Variants in PKHD1 observed in about 807,000 individuals in gnomAD.
The protein encoded by PKHD1 is PKHD1 ciliary IPT domain containing fibrocystin/polyductin, also known as fibrocystin.
In PKHD1, 291 loss-of-function variants were observed where a neutral mutation model predicts 412.0. The observed-to-expected ratio is 0.71, with a 90% CI of 0.64 to 0.78. PKHD1 has a LOEUF of 0.78. Among genes scored for constraint, PKHD1 ranks in the 30% least tolerant of loss-of-function variants. PKHD1 has a pLI of 0.00. For synonymous variants in PKHD1, 1,777 were observed against 1,821.5 expected (o/e 0.98, Z 0.62); for missense variants, 4,825 against 4,950.7 (o/e 0.97, Z 0.76).
intron 60 of PKHD1, among the ~76,000 whole-genome samples, chr6:51,736,448 C>T (rs1185175340): frequency 1.3e-5 from 2 of 152,014 alleles, no homozygotes; most frequent in East Asian, 1.9e-4. Context: ...CACTAGAAGC[C>T]GTATCCCCCC....
chr6:51,997,067 A>C (rs920990894), intron 35 of PKHD1, among the ~76,000 whole-genome samples: 1 of 152,224 alleles, frequency 6.6e-6, no homozygotes, highest in Non-Finnish European at 1.5e-5. Context: ...TCATGAAGAC[A>C]TATTTGTTGG....
At chr6:51,702,155 TTA>T (rs763689635) in intron 60 of PKHD1, among the ~76,000 whole-genome samples, 267 of 146,816 alleles carry the variant, frequency 1.8e-3, no homozygotes, top group Middle Eastern at 3.6e-3. Flanking sequence ...TTATTATATA[TTA>T]TATATATTAT....
intron 37 of PKHD1, among the ~76,000 whole-genome samples, chr6:51,930,407 T>A (rs1187406472): frequency 6.6e-6 from 1 of 152,168 alleles, no homozygotes; most frequent in South Asian, 2.1e-4. Context: ...TGTGTGTATA[T>A]GTGAGTGTAT....
intron 6 of PKHD1, among the ~76,000 whole-genome samples, chr6:52,075,311 G>A (rs560389991): frequency 1.8e-4 from 27 of 152,120 alleles, no homozygotes; most frequent in Non-Finnish European, 1.6e-4. Context: ...TCTTCATTTT[G>A]ACATGCTTGA....
intron 34 of PKHD1, among the ~76,000 whole-genome samples, chr6:52,016,737 C>T (rs1800601084): frequency 6.6e-6 from 1 of 151,810 alleles, no homozygotes; most frequent in Non-Finnish European, 1.5e-5. Context: ...GTTTACATGA[C>T]AATGTTCAGT....
intron 55 of PKHD1, among the ~76,000 whole-genome samples, chr6:51,755,993 T>C (rs1786944555): frequency 6.6e-6 from 1 of 152,068 alleles, no homozygotes; most frequent in African/African-American, 2.4e-5. Flanking sequence ...TGGGAGTACA[T>C]ATTAATAATA....
Position 51,616,705 on chromosome 6 carries a change from T to G in PKHD1, c.*2376A>C, listed in dbSNP as rs913995010. The stretch of plus-strand genomic sequence containing the variant: ...TCAGGGATCACAGGCTTTTCTGGGA[T>G]GGAATTAGTAAGATAATTATGGTTA... On this transcript the variant is annotated 3_prime_UTR_variant, in exon 67 of 67. Coordinates refer to ENST00000371117, the MANE Select transcript of PKHD1 (RefSeq NM_138694.4). 3.5e-5 allele frequency: 14 copies of G among 398,328 alleles called. No individual in the cohort carries two copies. Among genetic ancestry groups the G allele is most frequent in the Middle Eastern group, 6.2e-4 (1 of 1,608 alleles). 24.7% of individuals were successfully genotyped at this position (398,328 alleles called of 1,614,324 possible).
intron 11 of PKHD1, 60 bp from the exon 12 acceptor site, chr6:52,066,137 G>A (rs1809672552): frequency 2.7e-6 from 2 of 754,590 alleles, no homozygotes; most frequent in East Asian, 5.3e-5. Flanking sequence ...ATATGACCTA[G>A]ATAATAATAT....
At chr6:51,913,006 T>C (rs772519854) in intron 37 of PKHD1, among the ~76,000 whole-genome samples, 12 of 152,078 alleles carry the variant, frequency 7.9e-5, no homozygotes, top group Non-Finnish European at 1.6e-4. Context: ...TGAAATAGTA[T>C]CTATGAAACA....
At chr6:51,666,031 G>C (rs1234959457) in intron 60 of PKHD1, among the ~76,000 whole-genome samples, 1 of 152,108 alleles carries the variant, frequency 6.6e-6, no homozygotes, top group Non-Finnish European at 1.5e-5. Context: ...GTGAGTATTG[G>C]GGGCTAAGAT....
Position 51,659,142 on chromosome 6 carries a change from T to C in PKHD1, c.10984A>G (p.Ile3662Val). 1.2e-6 allele frequency: 2 copies of C among 1,613,858 alleles called. No individual in the cohort carries two copies. Among genetic ancestry groups the C allele is most frequent in the Non-Finnish European group, 1.7e-6 (2 of 1,179,868 alleles). Reference protein sequence around the residue: ...PMTVETISKVIVIEIGDSPTV... With the variant: ...PMTVETISKVVVIEIGDSPTV... Reference sequence around the variant, plus strand: ...GGCGAATCACCAATTTCAATGACAATCACTTTTGAGATAGTTTCCACAGTC... The same window carrying C: ...GGCGAATCACCAATTTCAATGACAACCACTTTTGAGATAGTTTCCACAGTC... The change falls in exon 61 of 67, where the codon ATT (isoleucine) becomes GTT (valine). Residue 3662 changes from isoleucine (I) to valine (V), a missense_variant. Transcript: ENST00000371117.
chr6:52,082,254 T>C lies in PKHD1; in HGVS notation c.281+138A>G, dbSNP rs576815038. On this transcript the variant is annotated intron_variant, in intron 4 of 66. Transcript: ENST00000371117. ...AGATAGGGACCTTTTAGAAAGCATA[T>C]TCACATGAAACTTTTTTTAACAACT... is the stretch of plus-strand genomic sequence containing the variant. 50 of 847,544 alleles carry C rather than the reference T, an allele frequency of 5.9e-5. 1 individual carries two copies. In the South Asian group the frequency reaches 7.1e-4, roughly 12 times the overall value. 52.5% of individuals were successfully genotyped at this position (847,544 alleles called of 1,614,324 possible).
intron 47 of PKHD1, among the ~76,000 whole-genome samples, chr6:51,869,744 T>C (rs1026735204): frequency 2.6e-5 from 4 of 151,868 alleles, no homozygotes; most frequent in Non-Finnish European, 5.9e-5. Flanking sequence ...TAAACTCAGA[T>C]GCCACCCAAA....
At chr6:52,023,053 C>A in intron 32 of PKHD1, 109 bp from the exon 33 acceptor site, 2 of 1,283,302 alleles carry the variant, frequency 1.6e-6, no homozygotes, top group Non-Finnish European at 2.2e-6. Context: ...CTTTTCACAT[C>A]CTCAGAATCC....
chr6:51,621,074 CA>C, intron 66 of PKHD1, among the ~76,000 whole-genome samples: 1 of 152,154 alleles, frequency 6.6e-6, no homozygotes, highest in East Asian at 1.9e-4. Flanking sequence ...CTTCACAGCT[CA>C]AACTACATTG....
intron 1 of PKHD1, among the ~76,000 whole-genome samples, chr6:52,086,873 C>G (rs1171324685): frequency 6.6e-6 from 1 of 152,150 alleles, no homozygotes; most frequent in Non-Finnish European, 1.5e-5. Flanking sequence ...GGGAAAAGTA[C>G]CCAAGCGTAT....
At chr6:51,926,331 T>G (rs1785617566) in intron 37 of PKHD1, among the ~76,000 whole-genome samples, 1 of 152,174 alleles carries the variant, frequency 6.6e-6, no homozygotes, top group Non-Finnish European at 1.5e-5. Flanking sequence ...TTGGAGCACC[T>G]GGACTCAGCT....
chr6:51,874,845 G>C (rs1302692826), intron 46 of PKHD1, among the ~76,000 whole-genome samples: 1 of 107,368 alleles, frequency 9.3e-6, no homozygotes, highest in Non-Finnish European at 1.8e-5. Flanking sequence ...ATTTCCATCT[G>C]AGGTACCGGG....
chr6:51,671,773 A>T (rs1333444895), intron 60 of PKHD1, among the ~76,000 whole-genome samples: 1 of 151,462 alleles, frequency 6.6e-6, no homozygotes, highest in Admixed American at 6.6e-5. Context: ...AACAGACAGG[A>T]CCCTCAGCTG....
Sources: allele counts gnomAD v4.1 joint callset (sites outside exome capture counted in the v4.1 genomes callset), GRCh38; gene constraint gnomAD v4.1.1; transcripts MANE v1.5; gene names NCBI Gene and HGNC (gene_info 2026-07-23, HGNC 2026-07-21).